SYNPR: variants seen among roughly 807,000 people sequenced by gnomAD.
SYNPR encodes the protein synaptoporin.
SYNPR carries 23 observed loss-of-function variants against 32.9 expected under a neutral mutation model. That is an observed-to-expected ratio of 0.70 (90% CI 0.50 to 0.99). SYNPR has a LOEUF of 0.99. Among genes scored for constraint, SYNPR ranks in the 50% least tolerant of loss-of-function variants. SYNPR has a pLI of 0.00. For missense variants in SYNPR, 318 were observed against 349.3 expected (o/e 0.91, Z 0.71); for synonymous variants, 146 against 135.9 (o/e 1.07, Z -0.52).
intron 2 of SYNPR, among the ~76,000 whole-genome samples, chr3:63,460,555 G>A (rs1394762489): frequency 7.2e-6 from 1 of 138,272 alleles, no homozygotes; most frequent in African/African-American, 2.8e-5. Context: ...CAACAGCATA[G>A]GTGAGGATTG....
intron 3 of SYNPR, among the ~76,000 whole-genome samples, chr3:63,526,975 A>C (rs575009505): frequency 1.3e-5 from 2 of 152,332 alleles, no homozygotes; most frequent in Admixed American, 6.5e-5. Flanking sequence ...AGTAGAAATC[A>C]AAATATATAA....
the SYNPR span, among the ~76,000 whole-genome samples, chr3:63,209,169 C>G: frequency 6.6e-6 from 1 of 151,934 alleles, no homozygotes; most frequent in Non-Finnish European, 1.5e-5. Context: ...ATACAAAAAA[C>G]TAGCCGGGCG....
intron 4 of SYNPR, among the ~76,000 whole-genome samples, chr3:63,597,262 T>C (rs1699975171): frequency 1.3e-5 from 2 of 152,200 alleles, no homozygotes; most frequent in African/African-American, 4.8e-5. Flanking sequence ...TTTAAATAAA[T>C]GTGTTTTTGA....
chr3:63,206,442 T>G, the SYNPR span, among the ~76,000 whole-genome samples: 1 of 152,028 alleles, frequency 6.6e-6, no homozygotes, highest in Non-Finnish European at 1.5e-5. Context: ...GTGCCTGTAG[T>G]CCCAGCTACT....
intron 1 of SYNPR, among the ~76,000 whole-genome samples, chr3:63,233,838 A>G (rs1371020358): frequency 6.6e-6 from 1 of 152,202 alleles, no homozygotes; most frequent in Non-Finnish European, 1.5e-5. Context: ...TAGCCTTAGG[A>G]AATGTTGCCA....
At chr3:63,351,852 A>G (rs2087514722) in intron 2 of SYNPR, among the ~76,000 whole-genome samples, 2 of 152,206 alleles carry the variant, frequency 1.3e-5, no homozygotes, top group Non-Finnish European at 2.9e-5. Flanking sequence ...GGAGAGATAA[A>G]AGAAGTAGTG....
chr3:63,288,341 G>C (rs536721409), intron 2 of SYNPR, among the ~76,000 whole-genome samples: 2 of 152,318 alleles, frequency 1.3e-5, no homozygotes, highest in Admixed American at 1.3e-4. Context: ...AGTGAGAAGT[G>C]TACATGTCTG....
At chr3:63,276,744 G>T (rs1474220507), upstream of SYNPR, among the ~76,000 whole-genome samples, 1 of 151,756 alleles carries the variant, frequency 6.6e-6, no homozygotes, top group Non-Finnish European at 1.5e-5. Context: ...TGCAGATGGT[G>T]CAACCAGTCC....
chr3:63,600,955 T>C (rs778471113), intron 4 of SYNPR, among the ~76,000 whole-genome samples: 1 of 152,168 alleles, frequency 6.6e-6, no homozygotes, highest in Non-Finnish European at 1.5e-5. Flanking sequence ...AGTCTCCCCA[T>C]CACCATACTT....
At chr3:63,409,700 G>A (rs2088436048) in intron 2 of SYNPR, among the ~76,000 whole-genome samples, 1 of 152,158 alleles carries the variant, frequency 6.6e-6, no homozygotes. Context: ...CTATGAGGTA[G>A]ATGTTATTAT....
In SYNPR at chr3:63,546,595, C is replaced by T. The variant is rs1198890791; in HGVS notation, c.210-9948C>T. ...TTTGCAGTAATCTTGATTGCATTTT[C>T]CAGTGTCTAGCTCACTCCCTGTGCT... On this transcript the variant is annotated intron_variant, in intron 3 of 5. Transcript: ENST00000478300. Among the ~76,000 whole-genome samples the T allele has an allele frequency of 5.3e-5, 8 of 152,096 alleles. No individual in the cohort carries two copies. The East Asian group carries it at 1.5e-3, about 29-fold the overall frequency.
rs117433609 is a variant in SYNPR, at chr3:63,250,151, T to G, written n.67-2348T>G. 1.3e-3 allele frequency among the ~76,000 whole-genome samples: 204 copies of G among 152,166 alleles called. 2 individuals carry two copies. In the East Asian group the frequency reaches 0.035, roughly 26 times the overall value. ...ATAAATATGGCTAACCATAAATCAT[T>G]GTATATTTTCAAAAAAGCTGGAAGA... On this transcript the variant is annotated intron_variant and non_coding_transcript_variant, in intron 1 of 4. Transcript: ENST00000478456.
intron 3 of SYNPR, among the ~76,000 whole-genome samples, chr3:63,533,817 G>A (rs1157121779): frequency 5.9e-5 from 9 of 152,082 alleles, no homozygotes; most frequent in Admixed American, 3.9e-4. Context: ...CTTGGCTATC[G>A]AATAGACCCT....
intron 2 of SYNPR, among the ~76,000 whole-genome samples, chr3:63,286,764 C>T (rs1337325617): frequency 6.6e-6 from 1 of 152,160 alleles, no homozygotes; most frequent in Non-Finnish European, 1.5e-5. Context: ...TTAAAGACCT[C>T]AGTTTCCTAA....
intron 2 of SYNPR, among the ~76,000 whole-genome samples, chr3:63,358,567 G>C (rs2087614706): frequency 6.6e-6 from 1 of 151,896 alleles, no homozygotes; most frequent in South Asian, 2.1e-4. Flanking sequence ...ACAGCTTTCA[G>C]GGATTAGAAC....
At chr3:63,582,258 T>C (rs1703106095) in intron 4 of SYNPR, among the ~76,000 whole-genome samples, 1 of 152,138 alleles carries the variant, frequency 6.6e-6, no homozygotes, top group Admixed American at 6.6e-5. Context: ...AGCTAAGTTC[T>C]GCAAATTTGT....
rs964814836 is a variant in SYNPR at position 63,246,939 on chromosome 3, G to A, written n.67-5560G>A. Among the ~76,000 whole-genome samples the A allele has an allele frequency of 3.3e-5, 5 of 151,942 alleles. No homozygotes were observed. The East Asian group carries it at 9.7e-4, about 29-fold the overall frequency. On this transcript the variant is annotated intron_variant and non_coding_transcript_variant, in intron 1 of 4. Coordinates refer to the SYNPR transcript ENST00000478456. Reference sequence around the variant, plus strand: ...ATTATCGTAAACATTAAATGACATAGTATAGGCAAAAAGTTTAGCATATGG... The same window carrying A: ...ATTATCGTAAACATTAAATGACATAATATAGGCAAAAAGTTTAGCATATGG...
intron 4 of SYNPR, among the ~76,000 whole-genome samples, chr3:63,605,365 G>A (rs57229265): frequency 0.06 from 9,114 of 152,236 alleles, 886 homozygotes; most frequent in African/African-American, 0.2. Context: ...CCTTCTACAC[G>A]ATGGCCCTAA....
rs957402880 is a variant in SYNPR at position 63,312,936 on chromosome 3, G to A, written c.84+34194G>A. 4.6e-5 allele frequency among the ~76,000 whole-genome samples: 7 copies of A among 151,900 alleles called. No individual in the cohort carries two copies. The East Asian group carries it at 1.2e-3, about 25-fold the overall frequency. On this transcript the variant is annotated intron_variant, in intron 2 of 5. Transcript: ENST00000478300. ...ATTTAGATGTCCTCCCTTTACAACT[G>A]CTTCTGTGACCATCTCAGTGGATAT...
Sources: gnomAD v4.1 joint callset for allele counts (sites outside exome capture counted in the v4.1 genomes callset) on GRCh38, gnomAD v4.1.1 for gene constraint, MANE v1.5 for transcripts, NCBI Gene and HGNC (gene_info 2026-07-23, HGNC 2026-07-21) for gene names.